The following ADAMTS2 variants were observed in gnomAD, a reference collection of about 807,000 sequenced individuals.
ADAMTS2 encodes A disintegrin and metalloproteinase with thrombospondin motifs 2.
Under a neutral mutation model 123.0 loss-of-function variants are expected in ADAMTS2, and 50 were observed. The ratio of observed to expected loss-of-function variants is 0.41; its 90% CI spans 0.32 to 0.51. The LOEUF (loss-of-function observed/expected upper bound fraction) is 0.51. ADAMTS2 is among the 20% of genes least tolerant of loss of function. ADAMTS2 has a pLI of 0.35. For synonymous variants in ADAMTS2, 678 were observed against 695.4 expected (o/e 0.98, Z 0.39); for missense variants, 1,494 against 1,705.2 (o/e 0.88, Z 2.18).
intron 6 of ADAMTS2, among the ~76,000 whole-genome samples, chr5:179,156,130 A>G (rs1047515497): frequency 6.6e-6 from 1 of 151,964 alleles, no homozygotes; most frequent in Admixed American, 6.6e-5. Flanking sequence ...CTTTCCATTC[A>G]TCCTACTCAG....
chr5:179,186,783 C>G (rs1764182030), intron 4 of ADAMTS2, among the ~76,000 whole-genome samples: 1 of 150,838 alleles, frequency 6.6e-6, no homozygotes, highest in Non-Finnish European at 1.5e-5. Flanking sequence ...CCCACTTTCT[C>G]TGCCAGACAG....
intron 2 of ADAMTS2, among the ~76,000 whole-genome samples, chr5:179,311,006 G>A (rs2113575079): frequency 6.6e-6 from 1 of 152,092 alleles, no homozygotes; most frequent in South Asian, 2.1e-4. Context: ...CCAGGTTGGA[G>A]CCAAAGACCA....
chr5:179,158,758 A>C lies in ADAMTS2; in HGVS notation c.1097T>G (p.Leu366Arg). ...GGAAGGCCCAAAGTCCTGCCGTGTG[A>C]GGAAGATGGCGTGATCGTGGTATTC... The part of the protein sequence containing the change: ...HDEYHDHAIF[L>R]TRQDFGPSGM... Residue 366 changes from leucine (L) to arginine (R), a missense_variant, in exon 6 of 22, where the codon CTC becomes CGC. Physicochemically the swap from Leu to Arg is moderately radical, Grantham distance 102. Coordinates refer to ENST00000251582, the MANE Select transcript of ADAMTS2 (RefSeq NM_014244.5). This position sits in a 1 kb window ranked among gnomAD's most constrained non-coding sequence, Gnocchi z 5.0. The C allele has an allele frequency of 6.2e-7, 1 of 1,614,194 alleles. No homozygotes were observed. Among genetic ancestry groups the C allele is most frequent in the Non-Finnish European group, 8.5e-7 (1 of 1,180,046 alleles).
At chr5:179,140,231 A>G (rs2113223857) in intron 10 of ADAMTS2, among the ~76,000 whole-genome samples, 196 bp from the exon 11 acceptor site, 1 of 152,236 alleles carries the variant, frequency 6.6e-6, no homozygotes, top group African/African-American at 2.4e-5. Flanking sequence ...TAAGAGGCAC[A>G]GTGAGGGGCT....
At chr5:179,313,210 G>GAA (rs1756879340) in intron 2 of ADAMTS2, among the ~76,000 whole-genome samples, 1 of 150,804 alleles carries the variant, frequency 6.6e-6, no homozygotes. Flanking sequence ...TCACACTCAT[G>GAA]CACACACACA....
At chr5:179,306,900 T>A (rs1324028911) in intron 2 of ADAMTS2, among the ~76,000 whole-genome samples, 1 of 152,094 alleles carries the variant, frequency 6.6e-6, no homozygotes, top group East Asian at 1.9e-4. Context: ...AGGACATGGC[T>A]CTTATTCCAG....
intron 3 of ADAMTS2, among the ~76,000 whole-genome samples, chr5:179,231,476 C>T (rs971525922): frequency 4.6e-5 from 7 of 152,102 alleles, no homozygotes; most frequent in Admixed American, 3.3e-4. Context: ...GAGTGTCTAC[C>T]GCCTCGATGT....
intron 3 of ADAMTS2, among the ~76,000 whole-genome samples, chr5:179,246,330 G>C (rs115158286): frequency 6.6e-6 from 1 of 152,062 alleles, no homozygotes; most frequent in Non-Finnish European, 1.5e-5. Context: ...CAACTGTCTC[G>C]GAGCTTCCCC....
chr5:179,128,067 G>A lies in ADAMTS2; in HGVS notation c.2509C>T (p.His837Tyr). The change falls in exon 17 of 22, where the codon CAT (histidine) becomes TAT (tyrosine). Residue 837 changes from histidine (H) to tyrosine (Y), a missense_variant. Physicochemically the swap from His to Tyr is moderately conservative, Grantham distance 83 (BLOSUM62 2). This residue lies in a region of ADAMTS2 where 953 missense variants were observed against 1,124.7 expected (regional missense o/e 0.85). Coordinates refer to ENST00000251582, the MANE Select transcript of ADAMTS2 (RefSeq NM_014244.5). The surrounding 1 kb of genome is among the most constrained non-coding windows in gnomAD (Gnocchi z 4.9). ...RVSLTYKYMIHEDSLNVDDNN... is the reference protein window; with the variant it reads ...RVSLTYKYMIYEDSLNVDDNN... The stretch of plus-strand genomic sequence containing the variant: ...TCGTCGACATTCAGTGAGTCCTCAT[G>A]GATCATGTATTTGTACGTCAGTGAG... 2 of 1,614,032 alleles carry A rather than the reference G, an allele frequency of 1.2e-6. No individual in the cohort carries two copies. The highest frequency in any genetic ancestry group is 1.7e-6 in the Non-Finnish European group (2 of 1,180,032).
intron 2 of ADAMTS2, among the ~76,000 whole-genome samples, chr5:179,284,823 GA>G (rs1755970823): frequency 6.6e-6 from 1 of 152,184 alleles, no homozygotes; most frequent in African/African-American, 2.4e-5. Flanking sequence ...ATTGGTGACC[GA>G]AGAAGGCGGC....
intron 2 of ADAMTS2, among the ~76,000 whole-genome samples, chr5:179,277,386 CCCCCCCCCCGAGACCAAAGGCTG>C (rs1766738605): frequency 2.1e-4 from 1 of 4,810 alleles, no homozygotes; most frequent in Admixed American, 3.1e-3. Context: ...CAAAGGCTGA[CCCCCCCCCCGAGACCAAAGGCTG>C]ACCCCCCGCG....
chr5:179,253,571 G>A (rs1225904116), intron 3 of ADAMTS2, among the ~76,000 whole-genome samples: 3 of 151,760 alleles, frequency 2.0e-5, no homozygotes, highest in Admixed American at 1.3e-4. Context: ...ACTGGAACCC[G>A]AGAGGCAGAG....
In ADAMTS2 at chr5:179,161,381, A is replaced by C. The variant is rs1320303180; in HGVS notation, c.976-2502T>G. On this transcript the variant is annotated intron_variant, in intron 5 of 21. Coordinates refer to ENST00000251582, the MANE Select transcript of ADAMTS2 (RefSeq NM_014244.5). ...GTGGTTGGTTGTACTCGCTGAACTT[A>C]AGATTGGCAGCCCAGATATGGATGA... is the stretch of plus-strand genomic sequence containing the variant. Among the ~76,000 whole-genome samples the C allele has an allele frequency of 1.3e-5, 2 of 152,198 alleles. 1 individual carries two copies. Among genetic ancestry groups the C allele is most frequent in the Non-Finnish European group, 2.9e-5 (2 of 68,036 alleles).
intron 3 of ADAMTS2, among the ~76,000 whole-genome samples, chr5:179,233,028 A>C (rs1287476294): frequency 1.3e-5 from 2 of 152,232 alleles, no homozygotes; most frequent in African/African-American, 4.8e-5. Flanking sequence ...TTCACCCTTC[A>C]AACTCAAGTG....
chr5:179,207,765 A>G, intron 3 of ADAMTS2, 50 bp from the exon 4 acceptor site: 1 of 1,560,222 alleles, frequency 6.4e-7, no homozygotes, highest in Non-Finnish European at 8.8e-7. Flanking sequence ...CCACCCGGAC[A>G]CAAACCTACC....
intron 5 of ADAMTS2, among the ~76,000 whole-genome samples, chr5:179,174,822 C>T (rs1009891706): frequency 1.4e-5 from 1 of 72,746 alleles, no homozygotes; most frequent in Non-Finnish European, 2.9e-5. Context: ...GCTTGGGTTC[C>T]GCAGCTGTCT....
rs758653273 is a variant in ADAMTS2 at position 179,207,692 on chromosome 5, T to G, written c.712A>C (p.Ser238Arg). 11 of 1,611,622 alleles carry G rather than the reference T, an allele frequency of 6.8e-6. No individual in the cohort carries two copies. The highest frequency in any genetic ancestry group is 9.3e-6 in the Non-Finnish European group (11 of 1,179,634). The part of the protein sequence containing the change: ...DTGASLDSLD[S>R]LSRALGVLEE... ...AGGACGCCCAGGGCGCGGCTGAGGC[T>G]GTCCAGGCTGTCCAGGGAGGCCCCT... The change falls in exon 4 of 22, where the codon AGC becomes CGC. Residue 238 changes from serine to arginine, a missense_variant. Around this residue, in one of 6 missense-constraint regions of ADAMTS2, gnomAD observed 184 missense variants for 152.1 expected, o/e 1.21. Transcript: ENST00000251582.
chr5:179,126,158 G>A lies in ADAMTS2; in HGVS notation c.2618-28C>T, dbSNP rs745666294. 2.3e-5 allele frequency: 37 copies of A among 1,612,472 alleles called. No individual in the cohort carries two copies. The Middle Eastern group carries it at 4.9e-4, about 21-fold the overall frequency. On this transcript the variant is annotated intron_variant, in intron 17 of 21. Coordinates refer to ENST00000251582, the MANE Select transcript of ADAMTS2 (RefSeq NM_014244.5). The stretch of plus-strand genomic sequence containing the variant: ...GAAGGCAGAGAGCTCGACGGGGGTC[G>A]GTGGGGCAGCATGCCCTGCCCGAGG...
At chr5:179,320,600 G>A (rs1377112101) in intron 2 of ADAMTS2, among the ~76,000 whole-genome samples, 1 of 151,816 alleles carries the variant, frequency 6.6e-6, no homozygotes, top group East Asian at 1.9e-4. Flanking sequence ...TTACAGGCAT[G>A]AGCCACTGTT....
Sources: allele counts gnomAD v4.1 joint callset (sites outside exome capture counted in the v4.1 genomes callset), GRCh38; gene constraint gnomAD v4.1.1; regional missense constraint gnomAD v4.1.1; non-coding constraint Gnocchi (gnomAD v3.1); transcripts MANE v1.5; gene names NCBI Gene and HGNC (gene_info 2026-07-23, HGNC 2026-07-21).